CHMP1A: variants seen among roughly 807,000 people sequenced by gnomAD.
CHMP1A encodes the protein charged multivesicular body protein 1A.
CHMP1A carries 17 observed loss-of-function variants against 27.0 expected under a neutral mutation model. The observed-to-expected ratio is 0.63, with a 90% confidence interval of 0.43 to 0.95. The LOEUF (loss-of-function observed/expected upper bound fraction) is 0.95, where lower values mean the gene tolerates loss of function less well. Ranked by LOEUF, CHMP1A falls within the 40% of genes least tolerant of loss-of-function variation. CHMP1A has a pLI of 0.00. For missense variants in CHMP1A, 275 were observed against 264.0 expected, an observed-to-expected ratio of 1.04 and a Z score of -0.29; for synonymous variants, 131 against 107.5, an observed-to-expected ratio of 1.22 and a Z score of -1.35.
Position 89,653,887 on chromosome 16 carries a change from G to C in CHMP1A, c.27+17C>G, listed in dbSNP as rs777755061. The C allele has an allele frequency of 6.2e-6, 10 of 1,612,756 alleles. No homozygotes were observed. On this transcript the variant is annotated intron_variant, in intron 2 of 6. Coordinates refer to ENST00000397901, the MANE Select transcript of CHMP1A (RefSeq NM_002768.5). ...TCACCAGAACAGGGCTGGGGTGAAC[G>C]GCCATTCGGTACATACCTTCAACTG...
Position 89,645,596 on chromosome 16 carries a change from C to G in CHMP1A, c.*470G>C. ...GCGTTGGGTGGCACCTGACATCCCC[C>G]AGCACACATAGACCTGTGGTGCCTC... On this transcript the variant is annotated 3_prime_UTR_variant, in exon 7 of 7. Coordinates refer to ENST00000397901, the MANE Select transcript of CHMP1A (RefSeq NM_002768.5). The G allele has an allele frequency of 4.0e-6, 1 of 251,572 alleles. No homozygotes were observed. Among genetic ancestry groups the G allele is most frequent in the South Asian group, 3.8e-5 (1 of 26,258 alleles). The allele number at this position is 251,572 out of a possible 1,614,324, so 15.6% of individuals were successfully genotyped here.
rs1307282383 is a variant in CHMP1A at position 89,657,613 on chromosome 16, C to G, written c.-25G>C. The G allele has an allele frequency of 4.3e-6, 7 of 1,610,768 alleles. No homozygotes were observed. The African/African-American group carries it at 5.4e-5, about 12-fold the overall frequency. The stretch of plus-strand genomic sequence containing the variant: ...TGGCCACAATGACAGGAGCAGCACT[C>G]GGAGAGGGAGAAGGGACGCCAACTC... On this transcript the variant is annotated 5_prime_UTR_variant, in exon 1 of 7. Coordinates refer to ENST00000397901, the MANE Select transcript of CHMP1A (RefSeq NM_002768.5).
chr16:89,656,391 C>T (rs755071677), intron 1 of CHMP1A, among the ~76,000 whole-genome samples: 8 of 152,178 alleles, frequency 5.3e-5, no homozygotes, highest in Non-Finnish European at 1.2e-4. Context: ...CCGGCCTCGG[C>T]CTCCCAAAGT....
chr16:89,652,293 T>A (rs1385321987), intron 2 of CHMP1A, among the ~76,000 whole-genome samples: 3 of 146,994 alleles, frequency 2.0e-5, no homozygotes, highest in Non-Finnish European at 4.5e-5. Context: ...AAACAGGGCC[T>A]CTGGCAACCC....
intron 2 of CHMP1A, among the ~76,000 whole-genome samples, chr16:89,653,341 C>T (rs537202558): frequency 6.8e-6 from 1 of 146,806 alleles, no homozygotes; most frequent in Admixed American, 6.7e-5. Context: ...ACACTCCGGG[C>T]CAGGCACAGT....
At chr16:89,654,345 C>A (rs1177095010) in intron 1 of CHMP1A, among the ~76,000 whole-genome samples, 5 of 152,222 alleles carry the variant, frequency 3.3e-5, no homozygotes, top group Admixed American at 3.3e-4. Context: ...CACCTGTAAT[C>A]CCAGCACTCT....
intron 4 of CHMP1A, among the ~76,000 whole-genome samples, chr16:89,648,894 G>A (rs1246630975): frequency 1.3e-5 from 2 of 151,000 alleles, no homozygotes; most frequent in African/African-American, 2.4e-5. Flanking sequence ...GCATGGTGGT[G>A]GATGCCTGTG....
intron 1 of CHMP1A, 29 bp from the exon 2 acceptor site, chr16:89,653,952 G>A (rs1238331825): frequency 6.2e-7 from 1 of 1,612,408 alleles, no homozygotes; most frequent in Admixed American, 1.7e-5. Context: ...TTAATGGTTT[G>A]AGGATTGGGA....
intron 1 of CHMP1A, among the ~76,000 whole-genome samples, chr16:89,656,880 C>CT (rs2059879179): frequency 2.0e-5 from 3 of 151,908 alleles, no homozygotes; most frequent in African/African-American, 7.3e-5. Flanking sequence ...GTGCCAGGGG[C>CT]GGGGGAAAGG....
Position 89,649,389 on chromosome 16 carries a change from C to T in CHMP1A, c.214G>A (p.Val72Met). 1 of 1,613,710 alleles carries T rather than the reference C, an allele frequency of 6.2e-7. No homozygotes were observed. The highest frequency in any genetic ancestry group is 8.5e-7 in the Non-Finnish European group (1 of 1,179,866). Residue 72 changes from valine (V) to methionine (M), a missense_variant, in exon 4 of 7, where the codon GTG (valine) becomes ATG (methionine). Val to Met is a conservative substitution (Grantham distance 21). Coordinates refer to ENST00000397901, the MANE Select transcript of CHMP1A (RefSeq NM_002768.5). ...WLRMASRVDAVASKVQTAVTM... is the reference protein window; with the variant it reads ...WLRMASRVDAMASKVQTAVTM... ...ACAGCTGTCTGCACCTTGGAGGCCA[C>T]TGCGTCTACGCGGGACGCCATCCGA...
rs765359257 is a variant in CHMP1A at position 89,647,218 on chromosome 16, C to T, written c.366G>A (p.Leu122=). Residue 122 remains leucine (L), a synonymous_variant, in exon 5 of 7, where the codon CTG becomes CTA. Transcript: ENST00000397901. ...GGCCACATACCGATGTATGGACGTC[C>T]AGGTTCTGCACCTGCTGCTCGAACC... is the stretch of plus-strand genomic sequence containing the variant. ...MDRFEQQVQN[L]DVHTSVMEDS... 42 of 1,609,202 alleles carry T rather than the reference C, an allele frequency of 2.6e-5. No individual in the cohort carries two copies. Among genetic ancestry groups the T allele is most frequent in the Non-Finnish European group, 3.6e-5 (42 of 1,178,324 alleles).
rs1204741425 is a variant in CHMP1A, at chr16:89,649,177, G to A, written c.252+174C>T. The A allele has an allele frequency of 1.1e-4, 26 of 245,010 alleles. 1 individual carries two copies. The highest frequency in any genetic ancestry group is 7.2e-4 in the African/African-American group (14 of 19,362). 15.2% of individuals were successfully genotyped at this position (245,010 alleles called of 1,614,324 possible). A position where few individuals can be genotyped will look rare whatever the true frequency, so the allele number is the denominator to read the frequency against. ...GCTTAACTCAACCTCCCCACCCCAC[G>A]CTGATCCAGCCCTCAACCTCCCCAC... is the stretch of plus-strand genomic sequence containing the variant. On this transcript the variant is annotated intron_variant, in intron 4 of 6. Transcript: ENST00000397901.
intron 3 of CHMP1A, among the ~76,000 whole-genome samples, chr16:89,650,170 C>A (rs2059813090): frequency 6.6e-6 from 1 of 152,138 alleles, no homozygotes; most frequent in African/African-American, 2.4e-5. Context: ...CAAGATCCTA[C>A]CTTCTTTTCT....
intron 2 of CHMP1A, among the ~76,000 whole-genome samples, chr16:89,653,622 C>CAAAA (rs5818724): frequency 1.9e-5 from 1 of 51,514 alleles, no homozygotes; most frequent in Non-Finnish European, 3.7e-5. Context: ...GACGCCGTCT[C>CAAAA]AAAAAAAAAA....
At chr16:89,652,895 C>A (rs1279099550) in intron 2 of CHMP1A, among the ~76,000 whole-genome samples, 8 of 152,158 alleles carry the variant, frequency 5.3e-5, no homozygotes, top group Non-Finnish European at 1.0e-4. Flanking sequence ...TTACCGGAAG[C>A]TGCAACCTCC....
chr16:89,649,304 T>C, intron 4 of CHMP1A, 47 bp downstream of exon 4: 1 of 1,595,498 alleles, frequency 6.3e-7, no homozygotes, highest in Non-Finnish European at 8.6e-7. Flanking sequence ...CCATTCCTGC[T>C]TCAGCCAGCG....
At chr16:89,650,094 T>G (rs1597788490) in intron 3 of CHMP1A, among the ~76,000 whole-genome samples, 1 of 151,766 alleles carries the variant, frequency 6.6e-6, no homozygotes, top group Admixed American at 6.6e-5. Context: ...TGGCTGTGGG[T>G]GAAGAGTTAC....
intron 1 of CHMP1A, among the ~76,000 whole-genome samples, chr16:89,655,436 T>TC (rs199783048): frequency 4.4e-3 from 319 of 72,178 alleles, no homozygotes; most frequent in African/African-American, 0.014. Flanking sequence ...ACCTCAGCTC[T>TC]CCTCACCTCA....
chr16:89,651,199 G>A (rs1393624341), intron 3 of CHMP1A, among the ~76,000 whole-genome samples: 3 of 152,096 alleles, frequency 2.0e-5, no homozygotes, highest in South Asian at 2.1e-4. Context: ...CCAACATGGC[G>A]AAACCCCATC....
Sources: gnomAD v4.1 joint callset for allele counts (sites outside exome capture counted in the v4.1 genomes callset) on GRCh38, gnomAD v4.1.1 for gene constraint, MANE v1.5 for transcripts, NCBI Gene and HGNC (gene_info 2026-07-23, HGNC 2026-07-21) for gene names.